Variants in WASHC2C observed in about 807,000 individuals in gnomAD.
WASHC2C encodes the protein Vaccinia Penetration Factor.
WASHC2C carries 73 observed loss-of-function variants against 142.2 expected under a neutral mutation model. The ratio of observed to expected loss-of-function variants is 0.51; its 90% CI spans 0.43 to 0.62. The LOEUF is 0.62. WASHC2C is among the 20% of genes least tolerant of loss of function. The probability of loss-of-function intolerance (pLI) is 0.00; values close to 1 mark genes in which losing one functional copy is unlikely to be tolerated. For missense variants in WASHC2C, 969 were observed against 1,531.7 expected, an observed-to-expected ratio of 0.63 and a Z score of 6.13; for synonymous variants, 337 against 565.5, an observed-to-expected ratio of 0.60 and a Z score of 5.73.
chr10:45,735,152 G>T (rs2597030), intron 3 of WASHC2C, among the ~76,000 whole-genome samples: 1 of 151,626 alleles, frequency 6.6e-6, no homozygotes, highest in Non-Finnish European at 1.5e-5. Flanking sequence ...CCCATAATCT[G>T]TTTTTATTCA....
chr10:45,739,520 G>C (rs1312073042), intron 4 of WASHC2C, among the ~76,000 whole-genome samples: 5 of 151,748 alleles, frequency 3.3e-5, no homozygotes, highest in Non-Finnish European at 7.4e-5. Flanking sequence ...ATGGGGCATT[G>C]TTGTAGGGTA....
intron 20 of WASHC2C, among the ~76,000 whole-genome samples, chr10:45,770,627 C>G (rs1364672801): frequency 2.0e-5 from 3 of 152,212 alleles, no homozygotes; most frequent in Non-Finnish European, 2.9e-5. Context: ...TCAGAAGTAC[C>G]TCAGGTTTCT....
intron 21 of WASHC2C, among the ~76,000 whole-genome samples, 169 bp downstream of exon 21, chr10:45,773,527 A>C (rs1345291236): frequency 6.6e-6 from 1 of 152,300 alleles, no homozygotes; most frequent in Non-Finnish European, 1.5e-5. Context: ...ATTCTACAGA[A>C]GAAGCACACG....
rs1554876793 is a variant in WASHC2C at position 45,755,141 on chromosome 10, G to A, written c.1420+26G>A. 1.9e-6 allele frequency: 3 copies of A among 1,581,460 alleles called. No individual in the cohort carries two copies. The Admixed American group carries it at 5.5e-5, about 29-fold the overall frequency. On this transcript the variant is annotated intron_variant, in intron 15 of 30. Transcript: ENST00000623400. ...GTATGTGTTCCTGCCTCCGTTTCTA[G>A]GACTTCAGCCAGAAAAAGAATGTTG...
At chr10:45,730,813 G>T (rs1240430211) in intron 3 of WASHC2C, among the ~76,000 whole-genome samples, 6 of 151,976 alleles carry the variant, frequency 3.9e-5, no homozygotes, top group Non-Finnish European at 5.9e-5. Context: ...AAGAGACGGG[G>T]TTTCACCGAG....
Position 45,789,484 on chromosome 10 carries a change from T to C in WASHC2C, c.3701T>C (p.Ile1234Thr), listed in dbSNP as rs2058266968. Residue 1234 changes from isoleucine (I) to threonine (T), a missense_variant, in exon 29 of 31, where the codon ATT becomes ACT. Coordinates refer to ENST00000623400, the MANE Select transcript of WASHC2C (RefSeq NM_001330074.2). ...QQDVILTTQD[I>T]FEDDIFATEA... ...GATGTCATATTAACAACACAAGATA[T>C]TTTTGAGGTAATAGGACTTAACACG... The C allele has an allele frequency of 6.2e-7, 1 of 1,611,860 alleles. No individual in the cohort carries two copies. The highest frequency in any genetic ancestry group is 1.3e-5 in the African/African-American group (1 of 74,826).
intron 20 of WASHC2C, among the ~76,000 whole-genome samples, chr10:45,770,362 A>T (rs1374706807): frequency 6.7e-6 from 1 of 148,810 alleles, no homozygotes; most frequent in African/African-American, 2.5e-5. Context: ...CCCATAGCCA[A>T]CCTAGGTGCC....
intron 16 of WASHC2C, among the ~76,000 whole-genome samples, chr10:45,757,787 G>T (rs2054497055): frequency 6.6e-6 from 1 of 152,224 alleles, no homozygotes; most frequent in South Asian, 2.1e-4. Context: ...AATAGCGTTT[G>T]CCTTCCTATG....
At chr10:45,749,851 A>ATATATTTATATT (rs1554873287) in intron 8 of WASHC2C, among the ~76,000 whole-genome samples, 1 of 108,168 alleles carries the variant, frequency 9.2e-6, no homozygotes, top group Non-Finnish European at 1.8e-5. Context: ...ATATATATAT[A>ATATATTTATATT]TATATTTATA....
chr10:45,754,788 C>T, intron 14 of WASHC2C, 148 bp from the exon 15 acceptor site: 2 of 1,360,326 alleles, frequency 1.5e-6, no homozygotes, highest in African/African-American at 1.5e-5. Flanking sequence ...TGTTCTGTAG[C>T]AGTAATGGAT....
At chr10:45,732,646 A>AT (rs201587146) in intron 3 of WASHC2C, among the ~76,000 whole-genome samples, 3,683 of 152,066 alleles carry the variant, frequency 0.024, 157 homozygotes, top group African/African-American at 0.081. Context: ...CAAGGTTAGA[A>AT]TTTTTTTTGT....
chr10:45,749,492 T>G (rs2053267685), intron 8 of WASHC2C, among the ~76,000 whole-genome samples: 1 of 151,282 alleles, frequency 6.6e-6, no homozygotes, highest in Non-Finnish European at 1.5e-5. Flanking sequence ...TATTTTAATA[T>G]TCTGCTTTTT....
At chr10:45,744,208 A>G (rs1198264963) in intron 6 of WASHC2C, among the ~76,000 whole-genome samples, 2 of 148,576 alleles carry the variant, frequency 1.3e-5, no homozygotes, top group East Asian at 2.0e-4. Context: ...ACAGGTGCCC[A>G]CCACCACACC....
chr10:45,785,187 TGCATACACTGGGGTGGCTA>T (rs572699876), intron 25 of WASHC2C, among the ~76,000 whole-genome samples: 164 of 152,372 alleles, frequency 1.1e-3, no homozygotes, highest in African/African-American at 3.8e-3. Context: ...GAAAGACCAT[TGCATACACTGGGGTGGCTA>T]AATATTCGTG....
chr10:45,786,425 G>A lies in WASHC2C; in HGVS notation c.2812-187G>A, dbSNP rs2058046664. 6 of 780,374 alleles carry A rather than the reference G, an allele frequency of 7.7e-6. No individual in the cohort carries two copies. In the Admixed American group the frequency reaches 1.3e-4, roughly 17 times the overall value. 48.3% of individuals were successfully genotyped at this position (780,374 alleles called of 1,614,324 possible). ...CTGGCAGCTTTCCACTTATGTGACA[G>A]AGGAGGAGGCATACGTGAAGTAGTG... On this transcript the variant is annotated intron_variant, in intron 26 of 30. Coordinates refer to ENST00000623400, the MANE Select transcript of WASHC2C (RefSeq NM_001330074.2).
intron 19 of WASHC2C, among the ~76,000 whole-genome samples, chr10:45,766,465 AGAG>A: frequency 6.8e-6 from 1 of 146,698 alleles, no homozygotes; most frequent in Non-Finnish European, 1.5e-5. Flanking sequence ...GTCCTGCTTC[AGAG>A]GAGAAGGGCC....
chr10:45,731,553 C>T (rs1554862327), intron 3 of WASHC2C, among the ~76,000 whole-genome samples: 1 of 148,226 alleles, frequency 6.7e-6, no homozygotes, highest in East Asian at 2.0e-4. Context: ...CGAGCCACTG[C>T]GCTCGGCCCT....
At chr10:45,752,339 C>G (rs2053704002) in intron 11 of WASHC2C, among the ~76,000 whole-genome samples, 1 of 152,304 alleles carries the variant, frequency 6.6e-6, no homozygotes, top group South Asian at 2.1e-4. Context: ...GGGTGCTGGC[C>G]TAGAGAATGA....
chr10:45,758,156 A>C (rs533195257), intron 16 of WASHC2C, among the ~76,000 whole-genome samples: 6 of 152,088 alleles, frequency 3.9e-5, no homozygotes, highest in East Asian at 1.9e-4. Flanking sequence ...TCAGGGTGAG[A>C]AGTTTTGGCA....
Sources: gnomAD v4.1 joint callset for allele counts (sites outside exome capture counted in the v4.1 genomes callset) on GRCh38, gnomAD v4.1.1 for gene constraint, MANE v1.5 for transcripts, NCBI Gene and HGNC (gene_info 2026-07-23, HGNC 2026-07-21) for gene names.